Variants in FAM168B observed in about 807,000 individuals in gnomAD.
FAM168B encodes the protein family with sequence similarity 168 member B.
A neutral mutation model predicts 21.8 loss-of-function variants in FAM168B; 19 were observed. The observed-to-expected ratio is 0.87, with a 90% CI of 0.61 to 1.28. FAM168B has a LOEUF of 1.28. Ranked by LOEUF, FAM168B falls within the 50% of genes most tolerant of loss-of-function variation. FAM168B has a pLI of 0.00. For synonymous variants in FAM168B, 126 were observed against 104.8 expected (o/e 1.20, Z -1.24); for missense variants, 233 against 263.1 (o/e 0.89, Z 0.79).
In FAM168B at chr2:131,071,082, G is replaced by A. The variant is rs547446524; in HGVS notation, c.154+773C>T. Among the ~76,000 whole-genome samples, 43 of 152,328 alleles carry A rather than the reference G, an allele frequency of 2.8e-4. 2 individuals are homozygous for A. The South Asian group carries it at 4.3e-3, about 15-fold the overall frequency. ...AATGGAAACGAAGAGATGGATGTAAGGACAGAATATAAAGGCAGAATTTTA... is the reference window on the plus strand; with the variant it reads ...AATGGAAACGAAGAGATGGATGTAAAGACAGAATATAAAGGCAGAATTTTA... On this transcript the variant is annotated intron_variant, in intron 3 of 6. Coordinates refer to ENST00000389915, the MANE Select transcript of FAM168B (RefSeq NM_001009993.4).
At chr2:131,055,784 T>C in intron 3 of FAM168B, 89 bp from the exon 4 acceptor site, 2 of 1,499,978 alleles carry the variant, frequency 1.3e-6, no homozygotes, top group South Asian at 1.3e-5. Flanking sequence ...AAGCTGCGTG[T>C]CAGCCCCACG....
chr2:131,080,902 A>C (rs1192634330), intron 2 of FAM168B, among the ~76,000 whole-genome samples: 1 of 151,570 alleles, frequency 6.6e-6, no homozygotes, highest in Non-Finnish European at 1.5e-5. Context: ...GATCTCCTGA[A>C]CTCATGATCT....
chr2:131,075,171 C>A (rs1046369092), intron 2 of FAM168B, among the ~76,000 whole-genome samples: 5 of 151,944 alleles, frequency 3.3e-5, no homozygotes, highest in African/African-American at 1.2e-4. Context: ...TGAGAGACTC[C>A]TCAGAAGCCC....
chr2:131,092,713 C>G (rs1030016435), intron 1 of FAM168B, among the ~76,000 whole-genome samples: 2 of 152,108 alleles, frequency 1.3e-5, no homozygotes, highest in African/African-American at 4.8e-5. Context: ...CCAGGCTAGG[C>G]CACGAAACGT....
At position 131,048,130 on chromosome 2, in the gene FAM168B, A is replaced by C. The variant is rs1298341382; in HGVS notation, c.*4335T>G. ...AAGACAATGCTGACTTAGCTTAAAA[A>C]AAGTACCGAGAGAACGGTGTAAAAA... On this transcript the variant is annotated 3_prime_UTR_variant, in exon 7 of 7. Coordinates refer to ENST00000389915, the MANE Select transcript of FAM168B (RefSeq NM_001009993.4). 1 of 1,193,664 alleles carries C rather than the reference A, an allele frequency of 8.4e-7. No individual in the cohort carries two copies. Among genetic ancestry groups the C allele is most frequent in the East Asian group, 5.9e-5 (1 of 16,894 alleles). 73.9% of individuals were successfully genotyped at this position (1,193,664 alleles called of 1,614,324 possible).
intron 1 of FAM168B, 53 bp downstream of exon 1, chr2:131,093,161 G>T (rs1038842838): frequency 6.6e-6 from 1 of 150,660 alleles, no homozygotes; most frequent in Non-Finnish European, 1.5e-5. Flanking sequence ...GCCGCACAAA[G>T]CGCCGCACTT....
intron 1 of FAM168B, among the ~76,000 whole-genome samples, chr2:131,092,125 CAG>C (rs1242648829): frequency 6.8e-6 from 1 of 146,572 alleles, no homozygotes; most frequent in Non-Finnish European, 1.5e-5. Context: ...GTCTGGGAAA[CAG>C]AGGGAGACTC....
At chr2:131,076,889 G>A (rs1558981949) in intron 2 of FAM168B, among the ~76,000 whole-genome samples, 1 of 145,684 alleles carries the variant, frequency 6.9e-6, no homozygotes, top group South Asian at 2.1e-4. Context: ...CTACAACTAC[G>A]CTGACTAACT....
intron 2 of FAM168B, among the ~76,000 whole-genome samples, chr2:131,081,765 G>A (rs755684294): frequency 4.6e-5 from 7 of 152,144 alleles, no homozygotes; most frequent in African/African-American, 9.7e-5. Flanking sequence ...GGACAGGCAC[G>A]ACATTAGTTC....
chr2:131,064,423 G>A (rs937770347), intron 3 of FAM168B, among the ~76,000 whole-genome samples: 1 of 152,032 alleles, frequency 6.6e-6, no homozygotes. Context: ...CTACAGAATA[G>A]CAAAGAAAAA....
chr2:131,069,702 C>T (rs1273031154), intron 3 of FAM168B, among the ~76,000 whole-genome samples: 1 of 151,992 alleles, frequency 6.6e-6, no homozygotes, highest in Non-Finnish European at 1.5e-5. Flanking sequence ...ACCGCGTTAG[C>T]CAGGATGGTC....
intron 1 of FAM168B, among the ~76,000 whole-genome samples, chr2:131,088,181 GGCTGCAGTGA>G (rs1693811553): frequency 6.6e-6 from 1 of 152,168 alleles, no homozygotes; most frequent in Admixed American, 6.5e-5. Flanking sequence ...GGGAGGTAGA[GGCTGCAGTGA>G]GCTGAAATCG....
intron 3 of FAM168B, among the ~76,000 whole-genome samples, chr2:131,063,676 C>A (rs1692416794): frequency 6.6e-6 from 1 of 152,110 alleles, no homozygotes; most frequent in Admixed American, 6.6e-5. Context: ...TTTAGGAGGC[C>A]AAGGCAGGAG....
rs371609939 is a variant in FAM168B, at chr2:131,070,000, C to T, written c.154+1855G>A. Reference sequence around the variant, plus strand: ...CAGCCTCCCTAGTAGCCGGGATTACCGGAGTGCGCCTCCAAGCCCAGCTAA... The same window carrying T: ...CAGCCTCCCTAGTAGCCGGGATTACTGGAGTGCGCCTCCAAGCCCAGCTAA... On this transcript the variant is annotated intron_variant, in intron 3 of 6. Coordinates refer to ENST00000389915, the MANE Select transcript of FAM168B (RefSeq NM_001009993.4). 1.0e-3 allele frequency among the ~76,000 whole-genome samples: 153 copies of T among 151,564 alleles called. 5 individuals carry two copies. In the South Asian group the frequency reaches 0.031, roughly 31 times the overall value.
chr2:131,074,624 C>A (rs1366346846), intron 2 of FAM168B, among the ~76,000 whole-genome samples: 1 of 152,184 alleles, frequency 6.6e-6, no homozygotes, highest in African/African-American at 2.4e-5. Flanking sequence ...GTGTCTCTTA[C>A]AGCACTTGGA....
At chr2:131,068,194 T>C (rs955466089) in intron 3 of FAM168B, among the ~76,000 whole-genome samples, 1 of 152,206 alleles carries the variant, frequency 6.6e-6, no homozygotes, top group Non-Finnish European at 1.5e-5. Flanking sequence ...AGTCTCGCTC[T>C]GTCACACAGG....
intron 6 of FAM168B, 134 bp downstream of exon 6, chr2:131,052,756 TA>T (rs1448052654): frequency 1.5e-6 from 2 of 1,357,370 alleles, no homozygotes; most frequent in Non-Finnish European, 2.0e-6. Context: ...ACAAAAAATT[TA>T]AACACTACAT....
At chr2:131,075,274 T>TAA (rs754981419) in intron 2 of FAM168B, among the ~76,000 whole-genome samples, 1 of 141,780 alleles carries the variant, frequency 7.1e-6, no homozygotes, top group African/African-American at 2.7e-5. Flanking sequence ...TTTCCTTCTT[T>TAA]TAAAAAAAAA....
chr2:131,077,048 C>T (rs916836632), intron 2 of FAM168B, among the ~76,000 whole-genome samples: 4 of 151,998 alleles, frequency 2.6e-5, no homozygotes, highest in Non-Finnish European at 5.9e-5. Context: ...GCTCTAGGAA[C>T]CCACCCTGAG....
Sources: allele counts gnomAD v4.1 joint callset (sites outside exome capture counted in the v4.1 genomes callset), GRCh38; gene constraint gnomAD v4.1.1; transcripts MANE v1.5; gene names NCBI Gene and HGNC (gene_info 2026-07-23, HGNC 2026-07-21).